SYT6: variants seen among roughly 807,000 people sequenced by gnomAD.
SYT6 encodes synaptotagmin-6.
In SYT6, 24 loss-of-function variants were observed where a neutral mutation model predicts 38.4. The ratio of observed to expected loss-of-function variants is 0.62; its 90% CI spans 0.45 to 0.88. The LOEUF (loss-of-function observed/expected upper bound fraction) is 0.88. Among genes scored for constraint, SYT6 ranks in the 40% least tolerant of loss-of-function variants. The pLI, the probability that SYT6 is intolerant of heterozygous loss-of-function variation, is 0.00. For synonymous variants in SYT6, 265 were observed against 241.9 expected (o/e 1.10, Z -0.89); for missense variants, 611 against 621.0 (o/e 0.98, Z 0.17).
At chr1:114,140,819 G>A (rs776656285) in intron 1 of SYT6, among the ~76,000 whole-genome samples, 1 of 152,158 alleles carries the variant, frequency 6.6e-6, no homozygotes, top group African/African-American at 2.4e-5. Flanking sequence ...TGCACATTTT[G>A]TGTCTGTCAC....
At chr1:114,101,334 C>T (rs538846711) in intron 4 of SYT6, among the ~76,000 whole-genome samples, 4 of 152,320 alleles carry the variant, frequency 2.6e-5, no homozygotes, top group Non-Finnish European at 4.4e-5. Flanking sequence ...ATGCTGGCCC[C>T]AGATGATCTT....
chr1:114,109,571 T>C (rs1424671411), intron 3 of SYT6, among the ~76,000 whole-genome samples: 2 of 152,198 alleles, frequency 1.3e-5, no homozygotes, highest in African/African-American at 4.8e-5. Context: ...AGAGATTAAA[T>C]GAGGTAATTT....
chr1:114,148,244 T>C (rs1032710504), intron 1 of SYT6, among the ~76,000 whole-genome samples: 1 of 152,222 alleles, frequency 6.6e-6, no homozygotes, highest in Admixed American at 6.5e-5. Context: ...AGTGTTAGAA[T>C]TCATCAGCAA....
chr1:114,139,754 G>A lies in SYT6; in HGVS notation c.373C>T (p.Leu125=). 6.2e-7 allele frequency: 1 copy of A among 1,614,028 alleles called. No individual in the cohort carries two copies. The highest frequency in any genetic ancestry group is 8.5e-7 in the Non-Finnish European group (1 of 1,179,946). Residue 125 remains leucine (L), a synonymous_variant, in exon 2 of 8, where the codon CTG becomes TTG. Transcript: ENST00000610222. ...MADKLKDPST[L]GFLEAAVKIS... ...TTCACGGCCGCCTCCAGGAAGCCCAGGGTGCTGGGGTCCTTCAGCTTGTCC... is the reference window on the plus strand; with the variant it reads ...TTCACGGCCGCCTCCAGGAAGCCCAAGGTGCTGGGGTCCTTCAGCTTGTCC...
In SYT6 at chr1:114,103,840, G is replaced by A. The variant is rs1009129990; in HGVS notation, c.1072-119C>T. ...AGGAGGCTCTTGGAGACACTGTGCTGTGTTTTTAAGACTAAGGGACTGGCC... is the reference window on the plus strand; with the variant it reads ...AGGAGGCTCTTGGAGACACTGTGCTATGTTTTTAAGACTAAGGGACTGGCC... On this transcript the variant is annotated intron_variant, in intron 3 of 7. Coordinates refer to ENST00000610222, the MANE Select transcript of SYT6 (RefSeq NM_001253772.2). The A allele has an allele frequency of 1.4e-5, 18 of 1,312,746 alleles. No individual in the cohort carries two copies. The Admixed American group carries it at 2.0e-4, about 15-fold the overall frequency. The allele number at this position is 1,312,746 out of a possible 1,614,324, so 81.3% of individuals were successfully genotyped here. A position where few individuals can be genotyped will look rare whatever the true frequency, so the allele number is the denominator to read the frequency against.
intron 3 of SYT6, among the ~76,000 whole-genome samples, chr1:114,110,528 A>G (rs1208361195): frequency 6.6e-6 from 1 of 152,194 alleles, no homozygotes; most frequent in Non-Finnish European, 1.5e-5. Flanking sequence ...GGTGGCTATG[A>G]TACCAGAGTA....
At chr1:114,119,800 G>A (rs929946700) in intron 3 of SYT6, among the ~76,000 whole-genome samples, 8 of 152,142 alleles carry the variant, frequency 5.3e-5, no homozygotes, top group African/African-American at 1.9e-4. Flanking sequence ...GGCCGGGCAC[G>A]GTGGCTCACG....
chr1:114,101,230 G>A (rs1198721099), intron 4 of SYT6, among the ~76,000 whole-genome samples: 1 of 152,100 alleles, frequency 6.6e-6, no homozygotes, highest in Non-Finnish European at 1.5e-5. Flanking sequence ...TTCCCTTGCA[G>A]GAACCAACAC....
At chr1:114,131,411 C>A (rs1441303971) in intron 3 of SYT6, among the ~76,000 whole-genome samples, 1 of 152,208 alleles carries the variant, frequency 6.6e-6, no homozygotes, top group Non-Finnish European at 1.5e-5. Flanking sequence ...TAAAACTTTT[C>A]TTTTCTAGAA....
Position 114,093,732 on chromosome 1 carries a change from TACTC to T in SYT6, c.*50_*51+2del. On this transcript the variant is annotated splice_donor_variant and 3_prime_UTR_variant, in exon 7 of 8. Coordinates refer to ENST00000610222, the MANE Select transcript of SYT6 (RefSeq NM_001253772.2). LOFTEE classifies it low-confidence loss of function (3UTR_SPLICE). ...CGTCTTTGGGTCCACACCAGGTACT[TACTC>T]CTAACTCCAGGTGGCAGTCTCTCTG... is the stretch of plus-strand genomic sequence containing the variant. 1 of 1,613,576 alleles carries T rather than the reference TACTC, an allele frequency of 6.2e-7. No homozygotes were observed. Among genetic ancestry groups the T allele is most frequent in the East Asian group, 2.2e-5 (1 of 44,846 alleles).
intron 4 of SYT6, among the ~76,000 whole-genome samples, chr1:114,102,411 C>T (rs962856494): frequency 3.3e-5 from 5 of 152,092 alleles, no homozygotes; most frequent in Non-Finnish European, 7.4e-5. Flanking sequence ...TGTCCTGAAA[C>T]TTCAGTTTTC....
intron 1 of SYT6, among the ~76,000 whole-genome samples, chr1:114,151,365 T>C (rs1679428674): frequency 1.3e-5 from 2 of 152,154 alleles, no homozygotes; most frequent in African/African-American, 4.8e-5. Context: ...ACTCATCTTC[T>C]GATGCAGCCT....
intron 3 of SYT6, among the ~76,000 whole-genome samples, chr1:114,109,464 G>C (rs1436316977): frequency 1.3e-5 from 2 of 152,186 alleles, no homozygotes; most frequent in Non-Finnish European, 2.9e-5. Flanking sequence ...ACTCCTAAGA[G>C]AGTAGTATGG....
At chr1:114,097,584 C>A (rs669011) in intron 6 of SYT6, 143 bp downstream of exon 6, 3 of 987,132 alleles carry the variant, frequency 3.0e-6, no homozygotes, top group Non-Finnish European at 4.5e-6. Flanking sequence ...TTCCTTTTGG[C>A]CTATTACACA....
intron 3 of SYT6, among the ~76,000 whole-genome samples, chr1:114,122,242 G>A (rs1482955921): frequency 6.6e-6 from 1 of 152,212 alleles, no homozygotes; most frequent in Non-Finnish European, 1.5e-5. Flanking sequence ...CATGGAAGTG[G>A]TTTGGGTTTT....
intron 3 of SYT6, among the ~76,000 whole-genome samples, chr1:114,113,445 G>A (rs957224009): frequency 6.6e-6 from 1 of 152,052 alleles, no homozygotes; most frequent in Non-Finnish European, 1.5e-5. Flanking sequence ...CTAGACTCCA[G>A]ACTCATATAT....
chr1:114,101,414 G>C (rs964568886), intron 4 of SYT6, among the ~76,000 whole-genome samples: 1 of 152,166 alleles, frequency 6.6e-6, no homozygotes, highest in South Asian at 2.1e-4. Context: ...AAGACCAGCA[G>C]TGTATTTCAG....
At chr1:114,129,258 T>C (rs574387158) in intron 3 of SYT6, among the ~76,000 whole-genome samples, 1 of 152,384 alleles carries the variant, frequency 6.6e-6, no homozygotes, top group South Asian at 2.1e-4. Flanking sequence ...CCACCATATT[T>C]GTTCAACCTA....
At chr1:114,153,476 G>T (rs554524945) in intron 1 of SYT6, 134 bp downstream of exon 1, 2 of 536,750 alleles carry the variant, frequency 3.7e-6, no homozygotes, top group Non-Finnish European at 6.5e-6. Context: ...GGCTGGACGA[G>T]GCTGGCTCCC....
Sources: gnomAD v4.1 joint callset for allele counts (sites outside exome capture counted in the v4.1 genomes callset) on GRCh38, gnomAD v4.1.1 for gene constraint, MANE v1.5 for transcripts, NCBI Gene and HGNC (gene_info 2026-07-23, HGNC 2026-07-21) for gene names.